The following DSE variants were observed in gnomAD, a reference collection of about 807,000 sequenced individuals.
DSE encodes the protein dermatan sulfate epimerase.
Under a neutral mutation model 84.4 loss-of-function variants are expected in DSE, and 36 were observed. The ratio of observed to expected loss-of-function variants is 0.43; its 90% CI spans 0.33 to 0.56. The LOEUF (loss-of-function observed/expected upper bound fraction) is 0.56. Among genes scored for constraint, DSE ranks in the 20% least tolerant of loss-of-function variants. The pLI is 0.06. For missense variants in DSE, 862 were observed against 1,169.6 expected, an observed-to-expected ratio of 0.74 and a Z score of 3.84; for synonymous variants, 410 against 430.1, an observed-to-expected ratio of 0.95 and a Z score of 0.58.
At chr6:116,401,122 T>C (rs1022273810) in intron 2 of DSE, 4 of 152,120 alleles carry the variant, frequency 2.6e-5, no homozygotes, top group African/African-American at 9.7e-5. Context: ...ATGGAGATTG[T>C]TTAGCACAAT....
intron 1 of DSE, among the ~76,000 whole-genome samples, chr6:116,393,009 C>T (rs1050325396): frequency 6.6e-6 from 1 of 151,066 alleles, no homozygotes; most frequent in Non-Finnish European, 1.5e-5. Context: ...GCAGGTGTCC[C>T]CTAAATTTTA....
At chr6:116,347,574 G>T (rs1583062609) in intron 2 of DSE, among the ~76,000 whole-genome samples, 1 of 152,188 alleles carries the variant, frequency 6.6e-6, no homozygotes, top group African/African-American at 2.4e-5. Context: ...GTGGTTCTGG[G>T]AAAACTGGCT....
chr6:116,430,874 A>T (rs1362185794), intron 3 of DSE, 80 bp from the exon 4 acceptor site: 1 of 1,560,016 alleles, frequency 6.4e-7, no homozygotes, highest in Non-Finnish European at 8.7e-7. Context: ...TAGATAACTC[A>T]GAGGGTTTTA....
At chr6:116,346,512 C>T (rs1245032458) in intron 2 of DSE, among the ~76,000 whole-genome samples, 1 of 152,138 alleles carries the variant, frequency 6.6e-6, no homozygotes, top group South Asian at 2.1e-4. Flanking sequence ...GAACCAAAGA[C>T]AAAAACCACA....
At chr6:116,290,786 C>T (rs1002256617) in intron 2 of DSE, among the ~76,000 whole-genome samples, 1 of 152,104 alleles carries the variant, frequency 6.6e-6, no homozygotes, top group African/African-American at 2.4e-5. Flanking sequence ...TTCCCTAATT[C>T]CAAAAGCAGA....
intron 2 of DSE, among the ~76,000 whole-genome samples, chr6:116,401,427 T>G (rs1236497035): frequency 6.6e-6 from 1 of 152,072 alleles, no homozygotes; most frequent in Non-Finnish European, 1.5e-5. Context: ...AAAAGCCAAT[T>G]TTTGACTTAA....
intron 2 of DSE, among the ~76,000 whole-genome samples, chr6:116,300,394 T>A (rs939392854): frequency 2.0e-5 from 3 of 152,202 alleles, no homozygotes; most frequent in African/African-American, 4.8e-5. Flanking sequence ...AAGAAAAGCC[T>A]CGCTTCAAAT....
At chr6:116,273,864 CTT>C (rs1162522261) in intron 2 of DSE, among the ~76,000 whole-genome samples, 43 of 140,970 alleles carry the variant, frequency 3.1e-4, no homozygotes, top group African/African-American at 1.1e-3. Context: ...CGAAGTCTCT[CTT>C]GTCCCCAGGC....
chr6:116,317,437 T>C (rs1776046928), intron 2 of DSE, among the ~76,000 whole-genome samples: 1 of 152,226 alleles, frequency 6.6e-6, no homozygotes, highest in African/African-American at 2.4e-5. Flanking sequence ...ATGTGTCCTT[T>C]CCAGAATAAT....
At chr6:116,302,157 G>T (rs562861320) in intron 2 of DSE, among the ~76,000 whole-genome samples, 1 of 152,294 alleles carries the variant, frequency 6.6e-6, no homozygotes, top group South Asian at 2.1e-4. Context: ...ACCCAATAAT[G>T]GGATTGCTGG....
chr6:116,366,862 T>C (rs1050434873), upstream of DSE: 5 of 152,254 alleles, frequency 3.3e-5, no homozygotes, highest in Admixed American at 3.3e-4. Flanking sequence ...GAGACACGTA[T>C]GGACGTGCCT....
chr6:116,395,777 A>G (rs923554986), intron 1 of DSE, among the ~76,000 whole-genome samples: 10 of 152,178 alleles, frequency 6.6e-5, no homozygotes, highest in African/African-American at 1.7e-4. Context: ...TCTTTGTACA[A>G]TGAGCACACA....
intron 2 of DSE, among the ~76,000 whole-genome samples, chr6:116,330,117 G>T (rs545833120): frequency 1.3e-5 from 2 of 152,204 alleles, no homozygotes; most frequent in Non-Finnish European, 2.9e-5. Context: ...GAGCCACTGC[G>T]CCTGGCCCAT....
At position 116,401,132 on chromosome 6, in the gene DSE, T is replaced by C. The variant is rs193219848; in HGVS notation, c.416+1466T>C. On this transcript the variant is annotated intron_variant, in intron 2 of 5. Transcript: ENST00000644252. ...TTTTGATGGAGATTGTTTAGCACAA[T>C]ACAGTAACATGAGAATTGTACAAGA... The C allele has an allele frequency of 3.7e-3, 556 of 152,256 alleles. 4 individuals are homozygous for C. Among genetic ancestry groups the C allele is most frequent in the African/African-American group, 0.013 (520 of 41,564 alleles). The allele number at this position is 152,256 out of a possible 1,614,324, so 9.4% of individuals were successfully genotyped here.
intron 2 of DSE, among the ~76,000 whole-genome samples, chr6:116,322,524 C>G (rs557291192): frequency 6.6e-6 from 1 of 152,072 alleles, no homozygotes; most frequent in South Asian, 2.1e-4. Context: ...CTTTCCTTCC[C>G]CACCATCCCC....
chr6:116,385,458 C>T (rs1037324846), intron 1 of DSE, among the ~76,000 whole-genome samples: 9 of 149,286 alleles, frequency 6.0e-5, no homozygotes, highest in Admixed American at 1.3e-4. Context: ...GGATTCTGGA[C>T]GGATTTGGAG....
chr6:116,405,420 G>C (rs1268214199), intron 2 of DSE, among the ~76,000 whole-genome samples: 1 of 152,146 alleles, frequency 6.6e-6, no homozygotes, highest in African/African-American at 2.4e-5. Flanking sequence ...CATTAAAGTG[G>C]ACTCGTGGAG....
rs1357496121 is a variant in DSE, at chr6:116,421,463, A to ATAT, written c.417-5110_417-5109insATT. The stretch of plus-strand genomic sequence containing the variant: ...TATACATATATATATATATATATAT[A>ATAT]TTTTTTTTTTTTTTTTTTTTTTTTT... On this transcript the variant is annotated intron_variant, in intron 2 of 5. Coordinates refer to ENST00000644252, the MANE Select transcript of DSE (RefSeq NM_013352.4). Among the ~76,000 whole-genome samples, 36 of 61,352 alleles carry ATAT rather than the reference A, an allele frequency of 5.9e-4. 1 individual carries two copies. The highest frequency in any genetic ancestry group is 2.1e-3 in the South Asian group (3 of 1,400). The allele number at this position is 61,352 out of a possible 152,430, so 40.2% of individuals were successfully genotyped here. A position where few individuals can be genotyped will look rare whatever the true frequency, so the allele number is the denominator to read the frequency against.
chr6:116,430,060 A>G (rs1209603011), intron 3 of DSE, among the ~76,000 whole-genome samples: 1 of 152,256 alleles, frequency 6.6e-6, no homozygotes, highest in Non-Finnish European at 1.5e-5. Flanking sequence ...CTTGTTATAG[A>G]CTTAATTTTC....
Sources: gnomAD v4.1 joint callset for allele counts (sites outside exome capture counted in the v4.1 genomes callset) on GRCh38, gnomAD v4.1.1 for gene constraint, MANE v1.5 for transcripts, NCBI Gene and HGNC (gene_info 2026-07-23, HGNC 2026-07-21) for gene names.